Variants in BANK1 observed in about 807,000 individuals in gnomAD.
BANK1 encodes B-cell scaffold protein with ankyrin repeats.
BANK1 carries 95 observed loss-of-function variants against 94.5 expected under a neutral mutation model. That is an observed-to-expected ratio of 1.00 (90% confidence interval 0.85 to 1.19). The LOEUF (loss-of-function observed/expected upper bound fraction) is 1.19. BANK1 is among the 50% of genes most tolerant of loss of function. BANK1 has a pLI of 0.00. For synonymous variants in BANK1, 334 were observed against 308.4 expected, an observed-to-expected ratio of 1.08 and a Z score of -0.87; for missense variants, 987 against 932.2, an observed-to-expected ratio of 1.06 and a Z score of -0.77.
chr4:102,037,650 A>G (rs1310535765), intron 10 of BANK1, among the ~76,000 whole-genome samples: 1 of 152,224 alleles, frequency 6.6e-6, no homozygotes, highest in Non-Finnish European at 1.5e-5. Context: ...ACGGAATTTT[A>G]CTGAAGACTG....
intron 1 of BANK1, among the ~76,000 whole-genome samples, chr4:101,824,859 A>G (rs554561577): frequency 1.3e-5 from 2 of 152,264 alleles, no homozygotes; most frequent in South Asian, 4.2e-4. Flanking sequence ...AATAAGAAGA[A>G]TTTTAATATA....
chr4:101,862,689 G>A (rs1727926361), intron 4 of BANK1, 25 bp downstream of exon 4: 2 of 1,566,016 alleles, frequency 1.3e-6, no homozygotes, highest in African/African-American at 2.8e-5. Context: ...GATTTAATAA[G>A]CATAAAACAT....
At chr4:101,833,777 T>A (rs1176748108) in intron 2 of BANK1, among the ~76,000 whole-genome samples, 1 of 152,198 alleles carries the variant, frequency 6.6e-6, no homozygotes, top group East Asian at 1.9e-4. Context: ...GTCTATGTGT[T>A]GGGATGATTT....
At chr4:101,985,193 G>A (rs1403759270) in intron 7 of BANK1, among the ~76,000 whole-genome samples, 1 of 152,130 alleles carries the variant, frequency 6.6e-6, no homozygotes, top group Non-Finnish European at 1.5e-5. Flanking sequence ...TTAAAGAGAA[G>A]ATCAACATCC....
At chr4:101,826,514 C>T (rs1307676404) in intron 1 of BANK1, among the ~76,000 whole-genome samples, 1 of 151,788 alleles carries the variant, frequency 6.6e-6, no homozygotes, top group Non-Finnish European at 1.5e-5. Context: ...ATTTATACTC[C>T]TACTATTTTT....
intron 5 of BANK1, among the ~76,000 whole-genome samples, chr4:101,878,262 A>C (rs758702526): frequency 1.4e-4 from 22 of 152,334 alleles, no homozygotes; most frequent in South Asian, 4.1e-4. Flanking sequence ...GGATGAAAAA[A>C]GATATCCCAT....
intron 7 of BANK1, among the ~76,000 whole-genome samples, chr4:102,020,229 A>G (rs547735608): frequency 2.0e-5 from 3 of 152,232 alleles, no homozygotes; most frequent in Admixed American, 1.3e-4. Context: ...TTCAAAATAT[A>G]TTTTTGACCT....
intron 7 of BANK1, among the ~76,000 whole-genome samples, chr4:102,009,394 C>A (rs1726409069): frequency 6.6e-6 from 1 of 152,194 alleles, no homozygotes; most frequent in Non-Finnish European, 1.5e-5. Context: ...GTTGCTTTGA[C>A]TGCCCAGATG....
intron 1 of BANK1, among the ~76,000 whole-genome samples, chr4:101,792,634 A>G (rs1319975545): frequency 6.6e-6 from 1 of 152,090 alleles, no homozygotes; most frequent in Non-Finnish European, 1.5e-5. Context: ...AAGGTCACCC[A>G]TTCATTAACT....
intron 2 of BANK1, among the ~76,000 whole-genome samples, chr4:101,838,113 C>T (rs28709647): frequency 0.039 from 5,947 of 152,078 alleles, 397 homozygotes; most frequent in African/African-American, 0.14. Context: ...GTGTGTGCTA[C>T]GCCCGGCTAA....
chr4:101,858,151 G>A (rs1400451143), intron 3 of BANK1, among the ~76,000 whole-genome samples: 5 of 152,074 alleles, frequency 3.3e-5, no homozygotes, highest in Non-Finnish European at 4.4e-5. Context: ...CATTACACCG[G>A]CAAACTCCCT....
chr4:102,021,430 C>A, intron 7 of BANK1, 84 bp from the exon 8 acceptor site: 1 of 508,012 alleles, frequency 2.0e-6, no homozygotes, highest in South Asian at 3.9e-5. Context: ...TAAATAAAAA[C>A]AAAAACTATT....
chr4:101,983,884 T>C (rs1725400552), intron 7 of BANK1, among the ~76,000 whole-genome samples: 1 of 152,066 alleles, frequency 6.6e-6, no homozygotes, highest in Admixed American at 6.6e-5. Context: ...GCATTAATGC[T>C]TTGGCAAGGG....
chr4:101,815,269 GGACT>G (rs1725869990), intron 1 of BANK1, among the ~76,000 whole-genome samples: 1 of 152,004 alleles, frequency 6.6e-6, no homozygotes, highest in African/African-American at 2.4e-5. Flanking sequence ...TAAAATTGGG[GGACT>G]GACTACAAGC....
intron 6 of BANK1, among the ~76,000 whole-genome samples, chr4:101,909,177 T>A (rs1007817417): frequency 6.6e-6 from 1 of 152,062 alleles, no homozygotes; most frequent in African/African-American, 2.4e-5. Context: ...ATTAAGAAAA[T>A]GTGGCAAATA....
intron 5 of BANK1, among the ~76,000 whole-genome samples, chr4:101,883,565 A>T (rs1280547170): frequency 1.3e-5 from 2 of 152,130 alleles, no homozygotes; most frequent in African/African-American, 4.8e-5. Context: ...TCCCAAACTA[A>T]AGCATCTTCA....
At chr4:102,046,056 C>G (rs1349143252) in intron 11 of BANK1, among the ~76,000 whole-genome samples, 4 of 150,274 alleles carry the variant, frequency 2.7e-5, no homozygotes, top group Non-Finnish European at 5.9e-5. Flanking sequence ...TACAAGGCTA[C>G]AGTAACCAAA....
In BANK1 at chr4:101,942,377, T is replaced by A. The variant is rs576230281; in HGVS notation, c.1206+24188T>A. On this transcript the variant is annotated intron_variant, in intron 7 of 16. Coordinates refer to ENST00000322953, the MANE Select transcript of BANK1 (RefSeq NM_017935.5). ...CAGAGCACAGAGCCTGTAGTGGGCATCTTGAACCTGTTCTTCAGAGAGAGC... is the reference window on the plus strand; with the variant it reads ...CAGAGCACAGAGCCTGTAGTGGGCAACTTGAACCTGTTCTTCAGAGAGAGC... Among the ~76,000 whole-genome samples the A allele has an allele frequency of 1.2e-3, 184 of 152,004 alleles. 1 individual carries two copies. Among genetic ancestry groups the A allele is most frequent in the African/African-American group, 3.9e-3 (163 of 41,516 alleles).
chr4:101,899,415 AT>A (rs1164385055), intron 6 of BANK1, among the ~76,000 whole-genome samples: 1 of 152,072 alleles, frequency 6.6e-6, no homozygotes, highest in Non-Finnish European at 1.5e-5. Flanking sequence ...ACAAGTACAA[AT>A]TTTCGCATCT....
Sources: allele counts gnomAD v4.1 joint callset (sites outside exome capture counted in the v4.1 genomes callset), GRCh38; gene constraint gnomAD v4.1.1; transcripts MANE v1.5; gene names NCBI Gene and HGNC (gene_info 2026-07-23, HGNC 2026-07-21).